LUZP1: variants seen among roughly 807,000 people sequenced by gnomAD.
LUZP1 encodes the protein leucine zipper protein 1, also known as filamin mechanobinding actin cross-linking protein.
In LUZP1, 25 loss-of-function variants were observed where a neutral mutation model predicts 71.3. That is an observed-to-expected ratio of 0.35 (90% CI 0.26 to 0.49). LUZP1 has a LOEUF of 0.49. LUZP1 is among the 20% of genes least tolerant of loss of function. The pLI is 0.99. For missense variants in LUZP1, 1,142 were observed against 1,300.8 expected, an observed-to-expected ratio of 0.88 and a Z score of 1.88; for synonymous variants, 481 against 506.4, an observed-to-expected ratio of 0.95 and a Z score of 0.67.
In LUZP1 at chr1:23,092,012, C is replaced by T. The variant is rs149677710; in HGVS notation, c.2250G>A (p.Leu750=). The T allele has an allele frequency of 1.0e-3, 1,629 of 1,614,032 alleles. 1 individual carries two copies. The highest frequency in any genetic ancestry group is 1.3e-3 in the Non-Finnish European group (1,579 of 1,180,036). ...CAGGTTTGATGATGGCTCTAGACCG[C>T]AACGCCTCTCTGGGGCTAAAGGGCC... The change falls in exon 4 of 5, where the codon TTG becomes TTA. Residue 750 remains leucine (L), a synonymous_variant. Coordinates refer to ENST00000302291, the Ensembl canonical transcript of LUZP1.
At chr1:23,176,936 C>T (rs185280709) in intron 1 of LUZP1, among the ~76,000 whole-genome samples, 35 of 152,238 alleles carry the variant, frequency 2.3e-4, no homozygotes, top group Non-Finnish European at 4.6e-4. Context: ...GGCTGCAGTG[C>T]AGTGACACAA....
At chr1:23,165,251 T>G (rs1644500709) in intron 2 of LUZP1, among the ~76,000 whole-genome samples, 1 of 151,688 alleles carries the variant, frequency 6.6e-6, no homozygotes, top group African/African-American at 2.4e-5. Context: ...TTTAAAAAAA[T>G]AAACACAGTG....
Position 23,165,659 on chromosome 1 carries a change from A to ATACATTCAT in LUZP1, c.-226+3098_-226+3106dup, listed in dbSNP as rs1207656676. On this transcript the variant is annotated intron_variant, in intron 2 of 4. Transcript: ENST00000302291. ...GCACTGCACTCCAAAAAAAAAGGGAATACATTCATTACATTCATTCATTCA... is the reference window on the plus strand; with the variant it reads ...GCACTGCACTCCAAAAAAAAAGGGAATACATTCATTACATTCATTACATTCATTCATTCA... 3.9e-5 allele frequency among the ~76,000 whole-genome samples: 6 copies of ATACATTCAT among 152,264 alleles called. No individual in the cohort carries two copies. In the East Asian group the frequency reaches 1.2e-3, roughly 29 times the overall value.
At chr1:23,092,115 T>C in exon 4 of LUZP1, 2 of 1,614,196 alleles carry the variant, frequency 1.2e-6, no homozygotes, top group Non-Finnish European at 1.7e-6. Flanking sequence ...TTTCACAGAT[T>C]CATTCTCCAT....
chr1:23,156,644 ATAGAGG>A (rs377489628), intron 2 of LUZP1, among the ~76,000 whole-genome samples: 356 of 152,316 alleles, frequency 2.3e-3, no homozygotes, highest in Non-Finnish European at 4.6e-3. Context: ...GATTTGTTTT[ATAGAGG>A]TTTCAGCACT....
At chr1:23,166,924 C>T (rs1644514597) in intron 2 of LUZP1, among the ~76,000 whole-genome samples, 1 of 152,252 alleles carries the variant, frequency 6.6e-6, no homozygotes, top group Admixed American at 6.5e-5. Context: ...CATTCCCTTC[C>T]CAGCTCACTA....
intron 2 of LUZP1, among the ~76,000 whole-genome samples, chr1:23,132,440 G>A (rs1231501418): frequency 6.6e-6 from 1 of 150,432 alleles, no homozygotes; most frequent in Non-Finnish European, 1.5e-5. Context: ...AGACCACACA[G>A]AAAACTTTAC....
chr1:23,148,379 G>A (rs1644358837), intron 2 of LUZP1, among the ~76,000 whole-genome samples: 1 of 151,266 alleles, frequency 6.6e-6, no homozygotes, highest in South Asian at 2.1e-4. Context: ...AAACAACAAC[G>A]ACCAAAGTGG....
At chr1:23,091,302 T>C in exon 4 of LUZP1, 1 of 1,614,076 alleles carries the variant, frequency 6.2e-7, no homozygotes, top group South Asian at 1.1e-5. Flanking sequence ...GGAGGAGGGC[T>C]CAGGGGCATC....
chr1:23,161,329 G>A (rs569982415), intron 2 of LUZP1, among the ~76,000 whole-genome samples: 2 of 152,308 alleles, frequency 1.3e-5, no homozygotes, highest in African/African-American at 2.4e-5. Context: ...AGCAAGACAC[G>A]ATGATGAGAA....
intron 2 of LUZP1, among the ~76,000 whole-genome samples, chr1:23,158,394 T>C (rs949571681): frequency 5.3e-5 from 8 of 152,212 alleles, no homozygotes; most frequent in African/African-American, 1.9e-4. Context: ...CTCACGCCTG[T>C]AATCCCAGCA....
At chr1:23,137,868 AT>A (rs1471092637) in intron 2 of LUZP1, among the ~76,000 whole-genome samples, 3 of 152,236 alleles carry the variant, frequency 2.0e-5, no homozygotes, top group Non-Finnish European at 4.4e-5. Flanking sequence ...ATCCCCAAAA[AT>A]GAAAACTTAT....
rs1398920024 is a variant in LUZP1, at chr1:23,089,057, T to G, written c.3073-4A>C. 6.2e-7 allele frequency: 1 copy of G among 1,613,154 alleles called. No individual in the cohort carries two copies. The highest frequency in any genetic ancestry group is 1.3e-5 in the African/African-American group (1 of 74,888). On this transcript the variant is annotated splice_region_variant and splice_polypyrimidine_tract_variant and intron_variant, in intron 4 of 4. Coordinates refer to ENST00000302291, the Ensembl canonical transcript of LUZP1. ...TACAGTCTTCCCCTTCTTCCTCCTG[T>G]GCCAATAAATAACAAAAGTGAGCTG...
Position 23,167,416 on chromosome 1 carries a change from G to A in LUZP1, c.-226+1350C>T, listed in dbSNP as rs533364758. 3.5e-4 allele frequency among the ~76,000 whole-genome samples: 53 copies of A among 152,304 alleles called. No homozygotes were observed. The South Asian group carries it at 5.2e-3, about 15-fold the overall frequency. On this transcript the variant is annotated intron_variant, in intron 2 of 4. Transcript: ENST00000302291. The stretch of plus-strand genomic sequence containing the variant: ...GAGAGTATTTTCTCCTCCAACGACA[G>A]ATAAGGCACCAAGGGCTCAGCAGCG...
intron 2 of LUZP1, among the ~76,000 whole-genome samples, chr1:23,138,395 T>C (rs745435918): frequency 1.3e-5 from 2 of 152,190 alleles, no homozygotes; most frequent in Non-Finnish European, 2.9e-5. Context: ...AGAAGTCAGA[T>C]ACAAAAGTCT....
intron 3 of LUZP1, among the ~76,000 whole-genome samples, chr1:23,102,904 T>C (rs1210136871): frequency 6.6e-6 from 1 of 152,158 alleles, no homozygotes; most frequent in African/African-American, 2.4e-5. Flanking sequence ...TTATTTTATA[T>C]TTCATTTCAT....
At chr1:23,138,297 A>G (rs934372350) in intron 2 of LUZP1, among the ~76,000 whole-genome samples, 20 of 152,196 alleles carry the variant, frequency 1.3e-4, no homozygotes, top group African/African-American at 4.8e-4. Flanking sequence ...TTATTATACA[A>G]TGGGTTATTA....
intron 2 of LUZP1, among the ~76,000 whole-genome samples, chr1:23,166,425 C>T (rs527768210): frequency 6.6e-6 from 1 of 152,092 alleles, no homozygotes; most frequent in African/African-American, 2.4e-5. Flanking sequence ...GAGGCCGAGG[C>T]GGGCAGATCA....
At chr1:23,084,080 T>C (rs1278735913) in exon 5 of LUZP1, 1 of 152,204 alleles carries the variant, frequency 6.6e-6, no homozygotes, top group Non-Finnish European at 1.5e-5. Context: ...GGGTATGTGC[T>C]AAAACTTCCC....
Sources: allele counts gnomAD v4.1 joint callset (sites outside exome capture counted in the v4.1 genomes callset), GRCh38; gene constraint gnomAD v4.1.1; transcripts MANE v1.5; gene names NCBI Gene and HGNC (gene_info 2026-07-23, HGNC 2026-07-21).